Variants in SCLT1 observed in about 807,000 individuals in gnomAD.
SCLT1 encodes the protein sodium channel-associated protein 1.
Under a neutral mutation model 112.8 loss-of-function variants are expected in SCLT1, and 78 were observed. The observed-to-expected ratio is 0.69, with a 90% CI of 0.58 to 0.83. The LOEUF is 0.83. Among genes scored for constraint, SCLT1 ranks in the 40% least tolerant of loss-of-function variants. The pLI is 0.00. For missense variants in SCLT1, 747 were observed against 770.4 expected (o/e 0.97, Z 0.36); for synonymous variants, 257 against 254.7 (o/e 1.01, Z -0.09).
chr4:128,888,361 T>C (rs1385373240), intron 20 of SCLT1, among the ~76,000 whole-genome samples: 2 of 151,936 alleles, frequency 1.3e-5, no homozygotes, highest in South Asian at 4.2e-4. Flanking sequence ...GAAACAGAGA[T>C]ATGCGCCACT....
chr4:128,968,677 A>T (rs986666910), intron 10 of SCLT1, among the ~76,000 whole-genome samples: 10 of 151,798 alleles, frequency 6.6e-5, no homozygotes, highest in African/African-American at 2.4e-4. Flanking sequence ...CATTGCAGTT[A>T]CTCTGTTTCG....
intron 5 of SCLT1, among the ~76,000 whole-genome samples, chr4:129,033,283 T>G (rs1456346946): frequency 6.7e-6 from 1 of 149,200 alleles, no homozygotes; most frequent in East Asian, 2.0e-4. Context: ...TAGGTGGGAG[T>G]TGAACAATGA....
intron 13 of SCLT1, 55 bp downstream of exon 13, chr4:128,956,971 T>C: frequency 2.3e-6 from 2 of 885,840 alleles, no homozygotes; most frequent in East Asian, 2.6e-5. Context: ...AGGTAGAATT[T>C]AGTCTTTAGT....
intron 2 of SCLT1, among the ~76,000 whole-genome samples, chr4:129,061,502 T>TG (rs1305318149): frequency 6.6e-6 from 1 of 152,138 alleles, no homozygotes; most frequent in Non-Finnish European, 1.5e-5. Context: ...AGATCAATCC[T>TG]GGGGACAATG....
chr4:128,876,224 G>GAA (rs1397386638), intron 4 of SCLT1, among the ~76,000 whole-genome samples: 1 of 152,080 alleles, frequency 6.6e-6, no homozygotes, highest in African/African-American at 2.4e-5. Flanking sequence ...CAGTTTAAAA[G>GAA]AAAAAACAAT....
At position 128,957,617 on chromosome 4, in the gene SCLT1, A is replaced by T. The variant is rs55764329; in HGVS notation, c.1048-493T>A. On this transcript the variant is annotated intron_variant, in intron 12 of 20. Transcript: ENST00000281142. ...CATTTCCATCCTCCACCAAATAAAT[A>T]TTGCCATAATCCTAGCTCTGCTGTC... Among the ~76,000 whole-genome samples, 873 of 152,184 alleles carry T rather than the reference A, an allele frequency of 5.7e-3. 3 individuals carry two copies. The highest frequency in any genetic ancestry group is 0.017 in the Admixed American group (265 of 15,278).
At chr4:129,040,024 A>G (rs3113489) in intron 4 of SCLT1, 468,720 of 589,030 alleles carry the variant, frequency 0.8, 189,670 homozygotes, top group South Asian at 0.89. Context: ...GTGCTTCCTA[A>G]GCTAAAGGAG....
intron 18 of SCLT1, among the ~76,000 whole-genome samples, chr4:128,898,894 AC>A (rs1235427070): frequency 6.6e-6 from 1 of 152,172 alleles, no homozygotes; most frequent in Non-Finnish European, 1.5e-5. Context: ...TACTATAAAC[AC>A]CTCTACGCAA....
At chr4:129,005,988 G>A (rs1489044333) in intron 5 of SCLT1, among the ~76,000 whole-genome samples, 1 of 138,374 alleles carries the variant, frequency 7.2e-6, no homozygotes, top group African/African-American at 2.7e-5. Context: ...GACACAGGAA[G>A]GGGAACATCA....
intron 5 of SCLT1, among the ~76,000 whole-genome samples, chr4:129,021,495 T>A (rs1745466990): frequency 6.6e-6 from 1 of 152,160 alleles, no homozygotes; most frequent in South Asian, 2.1e-4. Flanking sequence ...ATGATCAAGC[T>A]TGGTTGCGGG....
At chr4:128,984,796 G>C (rs951660626) in intron 9 of SCLT1, among the ~76,000 whole-genome samples, 1 of 151,712 alleles carries the variant, frequency 6.6e-6, no homozygotes, top group Non-Finnish European at 1.5e-5. Context: ...ATTATCAGCT[G>C]TAAAAGATAT....
At chr4:129,034,956 G>T (rs1187206324) in intron 5 of SCLT1, among the ~76,000 whole-genome samples, 3 of 152,032 alleles carry the variant, frequency 2.0e-5, no homozygotes, top group African/African-American at 7.2e-5. Context: ...AGTACACTTA[G>T]GCTACAAGTA....
chr4:128,968,175 C>T (rs558199358), intron 10 of SCLT1, among the ~76,000 whole-genome samples: 1 of 152,264 alleles, frequency 6.6e-6, no homozygotes, highest in South Asian at 2.1e-4. Context: ...CTGCTCCCAT[C>T]CCCCTCCCTT....
intron 9 of SCLT1, among the ~76,000 whole-genome samples, chr4:128,981,450 T>C (rs1010188287): frequency 6.6e-5 from 10 of 152,184 alleles, no homozygotes; most frequent in Non-Finnish European, 1.3e-4. Context: ...GAAGATAACA[T>C]TACTAGTGTG....
chr4:129,007,372 T>A (rs1744120690), intron 5 of SCLT1, among the ~76,000 whole-genome samples: 1 of 152,224 alleles, frequency 6.6e-6, no homozygotes, highest in African/African-American at 2.4e-5. Context: ...TGCATTTGTC[T>A]GTTCTGCCAT....
At chr4:128,969,697 CAT>C in intron 10 of SCLT1, among the ~76,000 whole-genome samples, 1 of 152,202 alleles carries the variant, frequency 6.6e-6, no homozygotes, top group East Asian at 1.9e-4. Flanking sequence ...TTGGGAGAAC[CAT>C]CAGGCCAGAC....
chr4:128,895,781 T>C (rs1733698177), intron 18 of SCLT1, among the ~76,000 whole-genome samples: 1 of 152,194 alleles, frequency 6.6e-6, no homozygotes, highest in Non-Finnish European at 1.5e-5. Flanking sequence ...GAATTCCCTT[T>C]CCTAGTCAAA....
intron 18 of SCLT1, among the ~76,000 whole-genome samples, chr4:128,900,054 C>T (rs1466646510): frequency 6.6e-6 from 1 of 152,184 alleles, no homozygotes. Flanking sequence ...GAACATTCCA[C>T]ACGCATGGGT....
chr4:128,996,061 T>C (rs1242315621), intron 8 of SCLT1, among the ~76,000 whole-genome samples: 1 of 151,882 alleles, frequency 6.6e-6, no homozygotes, highest in East Asian at 1.9e-4. Context: ...TGAATGCACA[T>C]ACCTAATCCC....
Sources: allele counts gnomAD v4.1 joint callset (sites outside exome capture counted in the v4.1 genomes callset), GRCh38; gene constraint gnomAD v4.1.1; transcripts MANE v1.5; gene names NCBI Gene and HGNC (gene_info 2026-07-23, HGNC 2026-07-21).